The following TXLNB variants were observed in gnomAD, a reference collection of about 807,000 sequenced individuals.
TXLNB encodes taxilin beta.
Under a neutral mutation model 57.4 loss-of-function variants are expected in TXLNB, and 37 were observed. The observed-to-expected ratio is 0.64, with a 90% CI of 0.50 to 0.85. The LOEUF is 0.85. Among genes scored for constraint, TXLNB ranks in the 40% least tolerant of loss-of-function variants. The probability of loss-of-function intolerance (pLI) is 0.00; values close to 1 mark genes in which losing one functional copy is unlikely to be tolerated. For missense variants in TXLNB, 848 were observed against 825.6 expected, an observed-to-expected ratio of 1.03 and a Z score of -0.33; for synonymous variants, 302 against 309.6, an observed-to-expected ratio of 0.98 and a Z score of 0.26.
chr6:139,318,919 A>G, the TXLNB span, among the ~76,000 whole-genome samples: 1 of 149,680 alleles, frequency 6.7e-6, no homozygotes, highest in Admixed American at 6.6e-5. Flanking sequence ...TTTGTTCAGG[A>G]TATTAGATTG....
intron 4 of TXLNB, among the ~76,000 whole-genome samples, chr6:139,265,554 A>T (rs1251715710): frequency 6.6e-6 from 1 of 152,214 alleles, no homozygotes; most frequent in African/African-American, 2.4e-5. Flanking sequence ...TTGTCTTTCT[A>T]TATCTTCCCA....
chr6:139,267,883 T>G (rs980852382), intron 4 of TXLNB, among the ~76,000 whole-genome samples: 1 of 152,204 alleles, frequency 6.6e-6, no homozygotes, highest in Non-Finnish European at 1.5e-5. Flanking sequence ...TCGGGCGTGG[T>G]GGCTCACACC....
At chr6:139,276,171 C>G (rs931028044) in intron 3 of TXLNB, among the ~76,000 whole-genome samples, 9 of 152,168 alleles carry the variant, frequency 5.9e-5, no homozygotes, top group African/African-American at 2.2e-4. Context: ...ATTCTGGTAT[C>G]CAACAGAGTT....
Position 139,248,371 on chromosome 6 carries a change from C to T in TXLNB, c.1078-462G>A, listed in dbSNP as rs189903452. Among the ~76,000 whole-genome samples the T allele has an allele frequency of 3.9e-3, 594 of 151,992 alleles. 2 individuals are homozygous for T. The highest frequency in any genetic ancestry group is 0.013 in the African/African-American group (520 of 41,460). Reference sequence around the variant, plus strand: ...ATTAGCCGGGCATGGTGGTGGGCACCTGTAATCCCAGCTACTTGGGATGCT... The same window carrying T: ...ATTAGCCGGGCATGGTGGTGGGCACTTGTAATCCCAGCTACTTGGGATGCT... On this transcript the variant is annotated intron_variant, in intron 7 of 9. Coordinates refer to ENST00000358430, the MANE Select transcript of TXLNB (RefSeq NM_153235.4).
At chr6:139,289,065 G>A (rs1583032652) in intron 1 of TXLNB, among the ~76,000 whole-genome samples, 152 bp from the exon 2 acceptor site, 1 of 152,232 alleles carries the variant, frequency 6.6e-6, no homozygotes, top group Middle Eastern at 3.4e-3. Flanking sequence ...AACCATTGAT[G>A]TTACTAAGGG....
At position 139,247,922 on chromosome 6, in the gene TXLNB, GA is replaced by G; in HGVS notation, c.1078-14del. On this transcript the variant is annotated splice_polypyrimidine_tract_variant and intron_variant, in intron 7 of 9. Transcript: ENST00000358430. Reference sequence around the variant, plus strand: ...AGTAGAGAGTGAGCTGTAAACAGAGGAAAGAGTGGATCTTTCAGAATACTTC... The same window carrying G: ...AGTAGAGAGTGAGCTGTAAACAGAGGAAGAGTGGATCTTTCAGAATACTTC... 6.6e-7 allele frequency: 1 copy of G among 1,508,204 alleles called. No individual in the cohort carries two copies. Among genetic ancestry groups the G allele is most frequent in the Non-Finnish European group, 9.1e-7 (1 of 1,099,694 alleles). The allele number at this position is 1,508,204 out of a possible 1,614,324, so 93.4% of individuals were successfully genotyped here.
At chr6:139,308,459 T>C in the TXLNB span, among the ~76,000 whole-genome samples, 1 of 152,242 alleles carries the variant, frequency 6.6e-6, no homozygotes, top group Non-Finnish European at 1.5e-5. Context: ...CATCATAAAA[T>C]ATCTTGTGAA....
chr6:139,281,611 C>T (rs560996197), intron 2 of TXLNB, among the ~76,000 whole-genome samples: 3 of 93,896 alleles, frequency 3.2e-5, no homozygotes, highest in Non-Finnish European at 1.8e-5. Context: ...TGCAGTGGCG[C>T]GATCTCGGCT....
the TXLNB span, among the ~76,000 whole-genome samples, chr6:139,160,074 A>T: frequency 6.6e-6 from 1 of 152,192 alleles, no homozygotes; most frequent in African/African-American, 2.4e-5. Context: ...GGGAGACAGG[A>T]TAGGCTTGGC....
chr6:139,253,141 A>G (rs1050342410), intron 7 of TXLNB, among the ~76,000 whole-genome samples: 3 of 152,254 alleles, frequency 2.0e-5, no homozygotes, highest in Admixed American at 6.5e-5. Context: ...ATTGATGATT[A>G]TATCGCCAAA....
intron 7 of TXLNB, among the ~76,000 whole-genome samples, chr6:139,250,357 C>CTTTTTT (rs61441759): frequency 8.4e-6 from 1 of 118,892 alleles, no homozygotes; most frequent in Admixed American, 8.8e-5. Flanking sequence ...TTCTTTCTTT[C>CTTTTTT]TTTTTTTTTT....
At chr6:139,203,793 TA>T in the TXLNB span, among the ~76,000 whole-genome samples, 2 of 152,136 alleles carry the variant, frequency 1.3e-5, no homozygotes, top group Admixed American at 1.3e-4. Context: ...GGCCACTTCC[TA>T]AAATTTCTGC....
downstream of TXLNB, among the ~76,000 whole-genome samples, chr6:139,238,265 G>A (rs1167383956): frequency 6.6e-6 from 1 of 152,016 alleles, no homozygotes; most frequent in Non-Finnish European, 1.5e-5. Context: ...ATGGTGGCAG[G>A]TGCCTGTAAT....
chr6:139,317,231 A>G, the TXLNB span, among the ~76,000 whole-genome samples: 2 of 152,188 alleles, frequency 1.3e-5, no homozygotes, highest in Non-Finnish European at 2.9e-5. Context: ...TTAGAAAAAA[A>G]AAGTCATCTC....
intron 2 of TXLNB, chr6:139,277,153 A>G (rs1225146088): frequency 4.9e-6 from 2 of 410,612 alleles, no homozygotes; most frequent in African/African-American, 2.1e-5. Context: ...CAGACTCTCA[A>G]TAAATGTTTG....
the TXLNB span, among the ~76,000 whole-genome samples, chr6:139,169,344 G>A: frequency 6.6e-6 from 1 of 151,760 alleles, no homozygotes; most frequent in Admixed American, 6.6e-5. Flanking sequence ...AAATTTCCTT[G>A]ACTTTTTATT....
At chr6:139,227,639 G>A in the TXLNB span, among the ~76,000 whole-genome samples, 2 of 152,156 alleles carry the variant, frequency 1.3e-5, no homozygotes, top group African/African-American at 2.4e-5. Flanking sequence ...CAATTCCAAT[G>A]TCAGTCAACA....
the TXLNB span, among the ~76,000 whole-genome samples, chr6:139,172,127 AGCCC>A: frequency 6.6e-6 from 1 of 152,000 alleles, no homozygotes; most frequent in African/African-American, 2.4e-5. Context: ...CACTGCGCCC[AGCCC>A]TAAACTTTTT....
At chr6:139,292,628 G>T (rs903617346), upstream of TXLNB, among the ~76,000 whole-genome samples, 1 of 152,102 alleles carries the variant, frequency 6.6e-6, no homozygotes, top group South Asian at 2.1e-4. This position sits in a 1 kb window ranked among gnomAD's most constrained non-coding sequence, Gnocchi z 4.0. Context: ...CGTGGTAATT[G>T]GTGTGACCTT....
Sources: gnomAD v4.1 joint callset for allele counts (sites outside exome capture counted in the v4.1 genomes callset) on GRCh38, gnomAD v4.1.1 for gene constraint, Gnocchi (gnomAD v3.1) non-coding constraint, MANE v1.5 for transcripts, NCBI Gene and HGNC (gene_info 2026-07-23, HGNC 2026-07-21) for gene names.